KCNK5: variants seen among roughly 807,000 people sequenced by gnomAD.
KCNK5 encodes the protein potassium channel subfamily K member 5.
Under a neutral mutation model 32.9 loss-of-function variants are expected in KCNK5, and 18 were observed. The ratio of observed to expected loss-of-function variants is 0.55; its 90% CI spans 0.38 to 0.81. The LOEUF is 0.81. Among genes scored for constraint, KCNK5 ranks in the 30% least tolerant of loss-of-function variants. KCNK5 has a pLI of 0.00. For synonymous variants in KCNK5, 276 were observed against 275.3 expected (o/e 1.00, Z -0.03); for missense variants, 507 against 651.0 (o/e 0.78, Z 2.41).
intron 1 of KCNK5, among the ~76,000 whole-genome samples, chr6:39,221,498 C>T (rs1771547845): frequency 2.0e-5 from 3 of 152,228 alleles, no homozygotes; most frequent in Admixed American, 6.5e-5. Context: ...CAAGGAGACA[C>T]AGGTAACATC....
In KCNK5 at chr6:39,194,739, T is replaced by C. The variant is rs1770999660; in HGVS notation, c.320A>G (p.Lys107Arg). 1 of 1,613,792 alleles carries C rather than the reference T, an allele frequency of 6.2e-7. No individual in the cohort carries two copies. Among genetic ancestry groups the C allele is most frequent in the African/African-American group, 1.3e-5 (1 of 74,868 alleles). ...TTIGYGNVAP[K>R]TPAGRLFCVF... ...ACAGAAGAGGCGACCGGCGGGGGTCTTGGGAGCCACATTGCCATATCCTGA... is the reference window on the plus strand; with the variant it reads ...ACAGAAGAGGCGACCGGCGGGGGTCCTGGGAGCCACATTGCCATATCCTGA... The change falls in exon 3 of 5, where the codon AAG becomes AGG. Residue 107 changes from lysine to arginine, a missense_variant. Coordinates refer to ENST00000359534, the MANE Select transcript of KCNK5 (RefSeq NM_003740.4). This position sits in a 1 kb window ranked among gnomAD's most constrained non-coding sequence, Gnocchi z 4.7.
intron 2 of KCNK5, among the ~76,000 whole-genome samples, chr6:39,195,570 G>A (rs1045796001): frequency 2.6e-5 from 4 of 152,222 alleles, no homozygotes; most frequent in Non-Finnish European, 5.9e-5. Context: ...CAGACACCCA[G>A]CTTGGTAAGT....
intron 4 of KCNK5, among the ~76,000 whole-genome samples, chr6:39,193,570 C>G (rs1246449855): frequency 4.6e-5 from 7 of 152,352 alleles, no homozygotes; most frequent in African/African-American, 1.7e-4. Context: ...CAGCTGGTAA[C>G]AGGCCTTCAG....
chr6:39,228,141 C>T (rs1362805150), intron 1 of KCNK5, among the ~76,000 whole-genome samples: 1 of 152,170 alleles, frequency 6.6e-6, no homozygotes, highest in African/African-American at 2.4e-5. Context: ...AGAAAATAAG[C>T]GGTTCCCAAT....
At chr6:39,215,582 C>A (rs1187756052) in intron 1 of KCNK5, among the ~76,000 whole-genome samples, 1 of 152,206 alleles carries the variant, frequency 6.6e-6, no homozygotes, top group East Asian at 1.9e-4. Flanking sequence ...CCATAAAGGG[C>A]CCCGCCCTGA....
In KCNK5 at chr6:39,229,203, G is replaced by T. The variant is rs903913769; in HGVS notation, c.-92C>A. On this transcript the variant is annotated 5_prime_UTR_variant, in exon 1 of 5. Transcript: ENST00000359534. ...CTCCAGCCTCTGAAAACAGCTGTTT[G>T]AATTTGGAGCTCCGCATGCGCAGTG... The T allele has an allele frequency of 5.2e-6, 7 of 1,333,500 alleles. No individual in the cohort carries two copies. The African/African-American group carries it at 1.0e-4, about 19-fold the overall frequency. The allele number at this position is 1,333,500 out of a possible 1,614,324, so 82.6% of individuals were successfully genotyped here.
intron 1 of KCNK5, among the ~76,000 whole-genome samples, chr6:39,202,418 A>G (rs1452892615): frequency 2.0e-5 from 3 of 152,144 alleles, no homozygotes; most frequent in Non-Finnish European, 4.4e-5. Flanking sequence ...TGGGTTGCAG[A>G]GGTGGGGATC....
intron 1 of KCNK5, among the ~76,000 whole-genome samples, chr6:39,215,534 G>T (rs978616104): frequency 3.3e-5 from 5 of 152,166 alleles, no homozygotes; most frequent in African/African-American, 1.2e-4. Context: ...CAGGAACCTT[G>T]CATTAGACAC....
At chr6:39,203,559 C>T (rs1452563312) in intron 1 of KCNK5, among the ~76,000 whole-genome samples, 2 of 152,240 alleles carry the variant, frequency 1.3e-5, no homozygotes, top group African/African-American at 4.8e-5. Context: ...TGGCAGCCGC[C>T]AGTACCTCCC....
At chr6:39,192,160 G>A (rs546818490) in intron 4 of KCNK5, among the ~76,000 whole-genome samples, 2 of 152,028 alleles carry the variant, frequency 1.3e-5, no homozygotes, top group East Asian at 3.9e-4. Context: ...CAGGTATGGT[G>A]GCGGGCCAGC....
At position 39,194,657 on chromosome 6, in the gene KCNK5, G is replaced by T. The variant is rs1286997453; in HGVS notation, c.402C>A (p.Gly134=). Residue 134 remains glycine (G), a synonymous_variant, in exon 3 of 5, where the codon GGC becomes GGA. Transcript: ENST00000359534. This position sits in a 1 kb window ranked among gnomAD's most constrained non-coding sequence, Gnocchi z 4.7. ...PLCLTWISAL[G]KFFGGRAKRL... is the part of the protein sequence containing the mutation. ...TCTTGGCACGTCCCCCGAAGAACTT[G>T]CCCAGGGCACTGATCCACGTCAGGC... 3 of 1,614,108 alleles carry T rather than the reference G, an allele frequency of 1.9e-6. No homozygotes were observed. In the South Asian group the frequency reaches 3.3e-5, roughly 18 times the overall value.
At chr6:39,204,626 C>T (rs879543743) in intron 1 of KCNK5, among the ~76,000 whole-genome samples, 16 of 152,348 alleles carry the variant, frequency 1.1e-4, no homozygotes, top group Non-Finnish European at 1.9e-4. Flanking sequence ...GAACTGCGAA[C>T]CAGGATGCTG....
At chr6:39,196,539 C>CTT (rs1771034229) in intron 1 of KCNK5, among the ~76,000 whole-genome samples, 2 of 152,156 alleles carry the variant, frequency 1.3e-5, no homozygotes, top group African/African-American at 4.8e-5. Context: ...GAGGGGCCCC[C>CTT]CATATACCCT....
At chr6:39,211,801 T>C (rs1394694366) in intron 1 of KCNK5, among the ~76,000 whole-genome samples, 3 of 143,080 alleles carry the variant, frequency 2.1e-5, no homozygotes, top group Admixed American at 1.4e-4. Flanking sequence ...CCGTCTCTAC[T>C]AAAAATACAA....
chr6:39,214,614 T>G (rs2113793486), intron 1 of KCNK5, among the ~76,000 whole-genome samples: 1 of 152,204 alleles, frequency 6.6e-6, no homozygotes, highest in East Asian at 1.9e-4. Context: ...TCATGCTTGG[T>G]GCTAGGTTTC....
Position 39,212,914 on chromosome 6 carries a change from A to G in KCNK5, c.186+16012T>C, listed in dbSNP as rs575475718. ...TTTAAAGACTCAAAAGACAAGAACG[A>G]ACTAGGCTCGAAAGACATGAATGAA... On this transcript the variant is annotated intron_variant, in intron 1 of 4. Coordinates refer to ENST00000359534, the MANE Select transcript of KCNK5 (RefSeq NM_003740.4). 2.0e-5 allele frequency among the ~76,000 whole-genome samples: 3 copies of G among 152,356 alleles called. No individual in the cohort carries two copies. In the East Asian group the frequency reaches 5.8e-4, roughly 29 times the overall value.
At chr6:39,197,472 A>G (rs1771050913) in intron 1 of KCNK5, among the ~76,000 whole-genome samples, 1 of 152,232 alleles carries the variant, frequency 6.6e-6, no homozygotes. Context: ...CAAAGTGGAA[A>G]GTGGGGACCA....
chr6:39,202,901 A>T (rs576035402), intron 1 of KCNK5, among the ~76,000 whole-genome samples: 1 of 152,282 alleles, frequency 6.6e-6, no homozygotes, highest in South Asian at 2.1e-4. Context: ...CTGGGTAAAT[A>T]ACTCAGCCTC....
At chr6:39,207,435 A>T (rs1459870422) in intron 1 of KCNK5, among the ~76,000 whole-genome samples, 1 of 152,188 alleles carries the variant, frequency 6.6e-6, no homozygotes, top group African/African-American at 2.4e-5. Context: ...CCAAGGCTGG[A>T]CGGTGGGCTC....
Sources: gnomAD v4.1 joint callset for allele counts (sites outside exome capture counted in the v4.1 genomes callset) on GRCh38, gnomAD v4.1.1 for gene constraint, Gnocchi (gnomAD v3.1) non-coding constraint, MANE v1.5 for transcripts, NCBI Gene and HGNC (gene_info 2026-07-23, HGNC 2026-07-21) for gene names.